Variants in SMYD3 observed in about 807,000 individuals in gnomAD.
The protein encoded by SMYD3 is histone-lysine N-methyltransferase SMYD3.
Under a neutral mutation model 57.7 loss-of-function variants are expected in SMYD3, and 36 were observed. The observed-to-expected ratio is 0.62, with a 90% CI of 0.48 to 0.82. The LOEUF is 0.82. SMYD3 is among the 40% of genes least tolerant of loss of function. The pLI is 0.00. For synonymous variants in SMYD3, 211 were observed against 195.0 expected, an observed-to-expected ratio of 1.08 and a Z score of -0.68; for missense variants, 515 against 538.8, an observed-to-expected ratio of 0.96 and a Z score of 0.44.
intron 5 of SMYD3, among the ~76,000 whole-genome samples, chr1:246,291,371 A>G (rs1229507296): frequency 6.6e-6 from 1 of 152,252 alleles, no homozygotes; most frequent in Non-Finnish European, 1.5e-5. Context: ...AGCCAGAAAC[A>G]CTAGACCAAA....
chr1:246,016,316 C>T (rs999018294), intron 5 of SMYD3, among the ~76,000 whole-genome samples: 2 of 151,832 alleles, frequency 1.3e-5, no homozygotes, highest in Non-Finnish European at 2.9e-5. Flanking sequence ...GGCGCGGTGG[C>T]TCATGCCTGT....
At chr1:246,416,573 C>T (rs1323554004) in intron 1 of SMYD3, among the ~76,000 whole-genome samples, 1 of 134,976 alleles carries the variant, frequency 7.4e-6, no homozygotes, top group Admixed American at 7.4e-5. Context: ...AAAAAAAAAA[C>T]TTTTACTAAG....
intron 5 of SMYD3, among the ~76,000 whole-genome samples, chr1:245,984,477 T>C (rs1452963016): frequency 6.6e-6 from 1 of 152,216 alleles, no homozygotes; most frequent in Non-Finnish European, 1.5e-5. Flanking sequence ...ACCTGGGCCC[T>C]GGATCCCACT....
chr1:246,156,320 T>C (rs1195379750), intron 5 of SMYD3, among the ~76,000 whole-genome samples: 1 of 152,094 alleles, frequency 6.6e-6, no homozygotes, highest in East Asian at 1.9e-4. Context: ...GCCCCTGGGA[T>C]GTTGATGAGG....
chr1:245,812,700 CCA>C (rs1491143540), intron 10 of SMYD3, among the ~76,000 whole-genome samples: 2 of 46,586 alleles, frequency 4.3e-5, no homozygotes, highest in East Asian at 5.2e-4. Flanking sequence ...AACAACAGTT[CCA>C]AAAAAAAAAA....
chr1:246,072,758 GAACA>G (rs1479724225), intron 5 of SMYD3, among the ~76,000 whole-genome samples: 3 of 151,990 alleles, frequency 2.0e-5, no homozygotes, highest in Non-Finnish European at 4.4e-5. Context: ...GGTCCAGAGG[GAACA>G]AACACAGATG....
At chr1:245,781,968 C>A (rs1572322251) in intron 10 of SMYD3, among the ~76,000 whole-genome samples, 2 of 149,076 alleles carry the variant, frequency 1.3e-5, no homozygotes, top group African/African-American at 2.5e-5. Flanking sequence ...GACTATGTCT[C>A]AAAAAAAAAA....
intron 5 of SMYD3, among the ~76,000 whole-genome samples, chr1:246,255,985 G>GATAGATAC (rs1157711278): frequency 5.8e-4 from 84 of 144,674 alleles, no homozygotes; most frequent in African/African-American, 2.0e-3. Context: ...TAGATAGATA[G>GATAGATAC]ATACACACAC....
At chr1:246,406,698 C>A (rs111981143) in intron 1 of SMYD3, among the ~76,000 whole-genome samples, 1 of 152,128 alleles carries the variant, frequency 6.6e-6, no homozygotes, top group Non-Finnish European at 1.5e-5. Context: ...AGTGAAAAAA[C>A]GGAGACACTT....
intron 5 of SMYD3, among the ~76,000 whole-genome samples, chr1:246,317,105 CTT>C (rs1258315067): frequency 6.6e-6 from 1 of 151,998 alleles, no homozygotes; most frequent in Non-Finnish European, 1.5e-5. Flanking sequence ...TTTATAATTT[CTT>C]TCTCTCTTTA....
chr1:246,238,600 G>A (rs566242387), intron 5 of SMYD3, among the ~76,000 whole-genome samples: 1 of 152,174 alleles, frequency 6.6e-6, no homozygotes, highest in Admixed American at 6.5e-5. Context: ...AACTTCTCCT[G>A]TTTGAAACAA....
chr1:245,947,077 C>T (rs913475640), intron 5 of SMYD3, among the ~76,000 whole-genome samples: 2 of 152,168 alleles, frequency 1.3e-5, no homozygotes, highest in Admixed American at 6.5e-5. Context: ...ACTGTCAGAT[C>T]GTCCACAGGA....
intron 5 of SMYD3, among the ~76,000 whole-genome samples, chr1:246,152,265 G>A (rs2061952418): frequency 6.6e-6 from 1 of 152,244 alleles, no homozygotes; most frequent in Non-Finnish European, 1.5e-5. Flanking sequence ...ACGATGTAGA[G>A]AAGTGGAGGG....
intron 10 of SMYD3, among the ~76,000 whole-genome samples, chr1:245,850,583 C>G (rs537952586): frequency 1.4e-4 from 21 of 152,204 alleles, no homozygotes; most frequent in Admixed American, 1.4e-3. Flanking sequence ...GTGGTCCCCC[C>G]TCATCTACTC....
intron 8 of SMYD3, among the ~76,000 whole-genome samples, chr1:245,887,191 G>C (rs895423170): frequency 6.6e-6 from 1 of 152,112 alleles, no homozygotes; most frequent in African/African-American, 2.4e-5. Context: ...CAGTAAAGGA[G>C]CTGGCCAAAT....
At chr1:245,754,322 T>G (rs1391544893) in intron 11 of SMYD3, among the ~76,000 whole-genome samples, 1 of 152,092 alleles carries the variant, frequency 6.6e-6, no homozygotes, top group East Asian at 1.9e-4. Flanking sequence ...GCTTGAGGAA[T>G]CTAGTAAGTG....
intron 1 of SMYD3, among the ~76,000 whole-genome samples, chr1:246,417,036 G>A (rs532023049): frequency 6.6e-6 from 1 of 152,238 alleles, no homozygotes; most frequent in East Asian, 1.9e-4. Context: ...TTACCCGAGA[G>A]ACTTCAACTG....
intron 1 of SMYD3, among the ~76,000 whole-genome samples, chr1:246,433,027 A>ACT (rs1290831869): frequency 6.6e-6 from 1 of 152,116 alleles, no homozygotes; most frequent in South Asian, 2.1e-4. Context: ...AAGAAGTCAA[A>ACT]CTCTCTCTCT....
intron 5 of SMYD3, among the ~76,000 whole-genome samples, chr1:246,081,320 T>A (rs2788016): frequency 0.37 from 56,610 of 152,192 alleles, 13,387 homozygotes; most frequent in African/African-American, 0.67. Flanking sequence ...GACTCTGTGC[T>A]TGTGTTTACA....
Sources: gnomAD v4.1 joint callset for allele counts (sites outside exome capture counted in the v4.1 genomes callset) on GRCh38, gnomAD v4.1.1 for gene constraint, MANE v1.5 for transcripts, NCBI Gene and HGNC (gene_info 2026-07-23, HGNC 2026-07-21) for gene names.